ZNF776: variants seen among roughly 807,000 people sequenced by gnomAD.
ZNF776 encodes zinc finger protein 776.
Under a neutral mutation model 7.0 loss-of-function variants are expected in ZNF776, and 4 were observed. The observed-to-expected ratio is 0.57, with a 90% CI of 0.28 to 1.31. ZNF776 has a LOEUF of 1.31. Ranked by LOEUF, ZNF776 falls within the 50% of genes most tolerant of loss-of-function variation. The pLI, the probability that ZNF776 is intolerant of heterozygous loss-of-function variation, is 0.10. For missense variants in ZNF776, 555 were observed against 625.9 expected, an observed-to-expected ratio of 0.89 and a Z score of 1.21; for synonymous variants, 212 against 213.7, an observed-to-expected ratio of 0.99 and a Z score of 0.07.
intron 1 of ZNF776, 95 bp from the exon 2 acceptor site, chr19:57,750,690 T>C: frequency 6.9e-7 from 1 of 1,459,830 alleles, no homozygotes; most frequent in Non-Finnish European, 9.1e-7. Flanking sequence ...TAGTTTCTCC[T>C]TGTAGTTTAG....
chr19:57,747,023 C>G lies in ZNF776; in HGVS notation c.-36C>G, dbSNP rs1475612279. ...GTGCCCGGGTACCTGCACTGCTCGCCCCCTCCTTTCGACCCCGCTTTCCCC... is the reference window on the plus strand; with the variant it reads ...GTGCCCGGGTACCTGCACTGCTCGCGCCCTCCTTTCGACCCCGCTTTCCCC... On this transcript the variant is annotated 5_prime_UTR_variant, in exon 1 of 3. Coordinates refer to ENST00000317178, the MANE Select transcript of ZNF776 (RefSeq NM_173632.4). 1 of 1,558,378 alleles carries G rather than the reference C, an allele frequency of 6.4e-7. No individual in the cohort carries two copies. The highest frequency in any genetic ancestry group is 2.4e-5 in the East Asian group (1 of 41,494).
At position 57,750,775 on chromosome 19, in the gene ZNF776, A is replaced by G. The variant is rs201176749; in HGVS notation, c.34-10A>G. 3.6e-5 allele frequency: 58 copies of G among 1,608,976 alleles called. No homozygotes were observed. The highest frequency in any genetic ancestry group is 4.7e-5 in the Non-Finnish European group (55 of 1,177,240). ...AGTGTTTGTGGTTTCATCTGTCATC[A>G]TCACGGCAGGGCACTGTGACCTTTG... On this transcript the variant is annotated splice_polypyrimidine_tract_variant and intron_variant, in intron 1 of 2. Transcript: ENST00000317178.
rs868051788 is a variant in ZNF776, at chr19:57,754,586, A to C, written c.1456A>C (p.Arg486=). The C allele has an allele frequency of 6.2e-7, 1 of 1,614,252 alleles. No individual in the cohort carries two copies. Among genetic ancestry groups the C allele is most frequent in the Non-Finnish European group, 8.5e-7 (1 of 1,180,034 alleles). The change falls in exon 3 of 3, where the codon AGG becomes CGG. Residue 486 remains arginine, a synonymous_variant. Coordinates refer to ENST00000317178, the MANE Select transcript of ZNF776 (RefSeq NM_173632.4). ...IRHQQIHSGE[R]PHECGECGKC... Reference sequence around the variant, plus strand: ...ACATCAGCAGATTCACTCTGGAGAAAGGCCACATGAGTGTGGAGAATGTGG... The same window carrying C: ...ACATCAGCAGATTCACTCTGGAGAACGGCCACATGAGTGTGGAGAATGTGG...
At chr19:57,751,302 A>T (rs930219895) in intron 2 of ZNF776, among the ~76,000 whole-genome samples, 3 of 152,138 alleles carry the variant, frequency 2.0e-5, no homozygotes, top group Non-Finnish European at 4.4e-5. Context: ...TGTTCTCAAT[A>T]CTTACATGCA....
At position 57,754,684 on chromosome 19, in the gene ZNF776, T is replaced by C. The variant is rs201697742; in HGVS notation, c.1554T>C (p.Cys518=). 1 of 1,606,234 alleles carries C rather than the reference T, an allele frequency of 6.2e-7. No individual in the cohort carries two copies. The highest frequency in any genetic ancestry group is 1.1e-5 in the South Asian group (1 of 90,694). ...RVHTGERHHE[C] is the part of the protein sequence containing the mutation. ...ACACGGGAGAAAGACATCATGAATG[T>C]TGAAAATTTGGCAGATCTGTTGGTA... The change falls in exon 3 of 3, where the codon TGT becomes TGC. Residue 518 remains cysteine, a synonymous_variant. Transcript: ENST00000317178.
chr19:57,750,953 T>C, intron 2 of ZNF776, 42 bp downstream of exon 2: 1 of 1,563,020 alleles, frequency 6.4e-7, no homozygotes, highest in Non-Finnish European at 8.7e-7. Flanking sequence ...AGCTATTGTC[T>C]GTCTGTCCCC....
At position 57,753,437 on chromosome 19, in the gene ZNF776, T is replaced by A; in HGVS notation, c.307T>A (p.Leu103Ile). Residue 103 changes from leucine (L) to isoleucine (I), a missense_variant, in exon 3 of 3, where the codon TTA (leucine) becomes ATA (isoleucine). Coordinates refer to ENST00000317178, the MANE Select transcript of ZNF776 (RefSeq NM_173632.4). ...GMCGPLLGDI[L>I]HQGTQHNQKL... ...GTGTGGCCCTCTCCTGGGAGATATCTTACACCAGGGAACACAACACAATCA... is the reference window on the plus strand; with the variant it reads ...GTGTGGCCCTCTCCTGGGAGATATCATACACCAGGGAACACAACACAATCA... 1 of 1,614,118 alleles carries A rather than the reference T, an allele frequency of 6.2e-7. No individual in the cohort carries two copies. Among genetic ancestry groups the A allele is most frequent in the Non-Finnish European group, 8.5e-7 (1 of 1,180,028 alleles).
rs1163839047 is a variant in ZNF776 at position 57,747,027 on chromosome 19, T to A, written c.-32T>A. 4.5e-6 allele frequency: 7 copies of A among 1,563,380 alleles called. No individual in the cohort carries two copies. Among genetic ancestry groups the A allele is most frequent in the Non-Finnish European group, 6.1e-6 (7 of 1,153,368 alleles). ...CCGGGTACCTGCACTGCTCGCCCCC[T>A]CCTTTCGACCCCGCTTTCCCCACCC... On this transcript the variant is annotated 5_prime_UTR_variant, in exon 1 of 3. Coordinates refer to ENST00000317178, the MANE Select transcript of ZNF776 (RefSeq NM_173632.4).
At chr19:57,751,204 C>A (rs958177483) in intron 2 of ZNF776, among the ~76,000 whole-genome samples, 5 of 152,192 alleles carry the variant, frequency 3.3e-5, no homozygotes, top group Non-Finnish European at 5.9e-5. Flanking sequence ...TTTTCTAGAT[C>A]AGAGACTGGT....
chr19:57,747,219 A>AT, intron 1 of ZNF776, 128 bp downstream of exon 1: 1 of 1,017,512 alleles, frequency 9.8e-7, no homozygotes. Flanking sequence ...GGCGCTCTCT[A>AT]TGGGCCCCCG....
rs1044856449 is a variant in ZNF776, at chr19:57,755,027, T to G, written c.*340T>G. 1 of 253,244 alleles carries G rather than the reference T, an allele frequency of 3.9e-6. No homozygotes were observed. 15.7% of individuals were successfully genotyped at this position (253,244 alleles called of 1,614,324 possible). Reference sequence around the variant, plus strand: ...AAAGGCCATATGACTGTAAGGAATTTGTAAAATTATTTAGCCAGAAGAGCT... The same window carrying G: ...AAAGGCCATATGACTGTAAGGAATTGGTAAAATTATTTAGCCAGAAGAGCT... On this transcript the variant is annotated 3_prime_UTR_variant, in exon 3 of 3. Coordinates refer to ENST00000317178, the MANE Select transcript of ZNF776 (RefSeq NM_173632.4).
chr19:57,749,622 A>C (rs1173966438), intron 1 of ZNF776, among the ~76,000 whole-genome samples: 1 of 152,188 alleles, frequency 6.6e-6, no homozygotes, highest in Non-Finnish European at 1.5e-5. Context: ...CTGAGAACCA[A>C]TTCCCTTCCC....
rs1219012406 is a variant in ZNF776, at chr19:57,757,569, G to A, written c.*2882G>A. ...CGTGATGAGAGTTAGGAGAGTCAAT[G>A]TAAAATCACATAACCTATTTGTCAA... On this transcript the variant is annotated 3_prime_UTR_variant, in exon 3 of 3. Coordinates refer to ENST00000317178, the MANE Select transcript of ZNF776 (RefSeq NM_173632.4). 2 of 152,216 alleles carry A rather than the reference G, an allele frequency of 1.3e-5. No homozygotes were observed. The highest frequency in any genetic ancestry group is 6.5e-5 in the Admixed American group (1 of 15,290). 9.4% of individuals were successfully genotyped at this position (152,216 alleles called of 1,614,324 possible). A position where few individuals can be genotyped will look rare whatever the true frequency, so the allele number is the denominator to read the frequency against.
rs996444870 is a variant in ZNF776, at chr19:57,758,120, G to C, written c.*3433G>C. On this transcript the variant is annotated 3_prime_UTR_variant, in exon 3 of 3. Transcript: ENST00000317178. ...ATGTTATTGCTTCTTATTTTTGTCT[G>C]TTAGGAATAAAACTGCTTGTTAAGC... is the stretch of plus-strand genomic sequence containing the variant. The C allele has an allele frequency of 2.0e-5, 3 of 152,112 alleles. No homozygotes were observed. Among genetic ancestry groups the C allele is most frequent in the African/African-American group, 7.2e-5 (3 of 41,412 alleles). 9.4% of individuals were successfully genotyped at this position (152,112 alleles called of 1,614,324 possible). A position where few individuals can be genotyped will look rare whatever the true frequency, so the allele number is the denominator to read the frequency against.
At chr19:57,750,963 C>T (rs1289900579) in intron 2 of ZNF776, 52 bp downstream of exon 2, 2 of 1,543,248 alleles carry the variant, frequency 1.3e-6, no homozygotes, top group Non-Finnish European at 1.7e-6. Flanking sequence ...TGTCTGTCCC[C>T]ATCTTTTTTC....
rs1986799322 is a variant in ZNF776, at chr19:57,757,072, G to T, written c.*2385G>T. The stretch of plus-strand genomic sequence containing the variant: ...ACTGATGTTCAACTCCTGGCCTCAA[G>T]TAATCCTCTAGCATACGCCCTTGAA... On this transcript the variant is annotated 3_prime_UTR_variant, in exon 3 of 3. Coordinates refer to ENST00000317178, the MANE Select transcript of ZNF776 (RefSeq NM_173632.4). The T allele has an allele frequency of 7.4e-6, 2 of 269,086 alleles. No individual in the cohort carries two copies. Among genetic ancestry groups the T allele is most frequent in the South Asian group, 6.8e-5 (2 of 29,516 alleles). The allele number at this position is 269,086 out of a possible 1,614,324, so 16.7% of individuals were successfully genotyped here.
intron 1 of ZNF776, 73 bp downstream of exon 1, chr19:57,747,164 G>T (rs1460291787): frequency 6.7e-7 from 1 of 1,490,372 alleles, no homozygotes; most frequent in Non-Finnish European, 9.1e-7. Flanking sequence ...AGGAAGCGGC[G>T]CCTGCTCAAG....
chr19:57,747,238 A>G, intron 1 of ZNF776, 147 bp downstream of exon 1: 1 of 815,650 alleles, frequency 1.2e-6, no homozygotes, highest in Non-Finnish European at 1.9e-6. Context: ...CGTTTTTGAC[A>G]CCCGCGGGAT....
chr19:57,748,655 G>A (rs1035736438), intron 1 of ZNF776, among the ~76,000 whole-genome samples: 1 of 152,160 alleles, frequency 6.6e-6, no homozygotes, highest in African/African-American at 2.4e-5. Context: ...ATGTTACTGG[G>A]CTTCCTAAAC....
Sources: allele counts gnomAD v4.1 joint callset (sites outside exome capture counted in the v4.1 genomes callset), GRCh38; gene constraint gnomAD v4.1.1; transcripts MANE v1.5; gene names NCBI Gene and HGNC (gene_info 2026-07-23, HGNC 2026-07-21).